DDHD1: variants seen among roughly 807,000 people sequenced by gnomAD.
The protein encoded by DDHD1 is DDHD domain containing 1.
DDHD1 carries 49 observed loss-of-function variants against 96.4 expected under a neutral mutation model. That is an observed-to-expected ratio of 0.51 (90% CI 0.40 to 0.64). The LOEUF (loss-of-function observed/expected upper bound fraction) is 0.64, where lower values mean the gene tolerates loss of function less well. Ranked by LOEUF, DDHD1 falls within the 30% of genes least tolerant of loss-of-function variation. DDHD1 has a pLI of 0.00. For missense variants in DDHD1, 1,106 were observed against 1,161.2 expected, an observed-to-expected ratio of 0.95 and a Z score of 0.69; for synonymous variants, 442 against 446.5, an observed-to-expected ratio of 0.99 and a Z score of 0.13.
chr14:53,150,312 GA>G (rs981553912), intron 1 of DDHD1, among the ~76,000 whole-genome samples: 1 of 152,066 alleles, frequency 6.6e-6, no homozygotes, highest in African/African-American at 2.4e-5. Context: ...CTCACCCTTG[GA>G]TGGGTCAGAA....
intron 4 of DDHD1, among the ~76,000 whole-genome samples, chr14:53,080,007 T>C (rs1170857882): frequency 6.6e-6 from 1 of 152,178 alleles, no homozygotes; most frequent in Non-Finnish European, 1.5e-5. Flanking sequence ...AACTACAGCC[T>C]GGCCAAAAAA....
At chr14:53,058,298 AGAG>A (rs1444474358) in intron 9 of DDHD1, among the ~76,000 whole-genome samples, 176 bp downstream of exon 9, 3 of 151,700 alleles carry the variant, frequency 2.0e-5, no homozygotes, top group African/African-American at 2.4e-5. Context: ...TATTTTTAGT[AGAG>A]ATGAGGTTTC....
chr14:53,124,654 C>T (rs1461233788), intron 1 of DDHD1, among the ~76,000 whole-genome samples: 5 of 152,132 alleles, frequency 3.3e-5, no homozygotes, highest in Non-Finnish European at 7.4e-5. Flanking sequence ...TAAGTATACC[C>T]TAAATACCAT....
chr14:53,078,855 T>C (rs138308514), intron 4 of DDHD1, among the ~76,000 whole-genome samples: 1 of 152,312 alleles, frequency 6.6e-6, no homozygotes, highest in Non-Finnish European at 1.5e-5. Context: ...GTAGATGCCC[T>C]TTACCAGGTT....
intron 8 of DDHD1, among the ~76,000 whole-genome samples, chr14:53,059,252 A>C (rs1415178026): frequency 6.6e-6 from 1 of 151,944 alleles, no homozygotes; most frequent in Non-Finnish European, 1.5e-5. Context: ...TCATTTATTT[A>C]TTTATTTTTT....
chr14:53,070,095 G>C (rs1206215868), intron 6 of DDHD1, among the ~76,000 whole-genome samples: 1 of 152,072 alleles, frequency 6.6e-6, no homozygotes, highest in Non-Finnish European at 1.5e-5. Flanking sequence ...AGCCCTCTTA[G>C]GGGTACCACC....
At chr14:53,123,772 A>T (rs960157808) in intron 1 of DDHD1, among the ~76,000 whole-genome samples, 1 of 152,168 alleles carries the variant, frequency 6.6e-6, no homozygotes, top group Non-Finnish European at 1.5e-5. Flanking sequence ...TGGATTAAAA[A>T]CCGGAGAATG....
At chr14:53,119,437 C>T (rs1888814841) in intron 1 of DDHD1, among the ~76,000 whole-genome samples, 1 of 152,130 alleles carries the variant, frequency 6.6e-6, no homozygotes, top group East Asian at 1.9e-4. Flanking sequence ...AGAAAGAATC[C>T]TCCCTAACTC....
chr14:53,070,597 A>G (rs1464529737), intron 6 of DDHD1, among the ~76,000 whole-genome samples: 1 of 152,142 alleles, frequency 6.6e-6, no homozygotes, highest in Non-Finnish European at 1.5e-5. Flanking sequence ...TTGGGGAGAA[A>G]TGAGACACAA....
intron 4 of DDHD1, among the ~76,000 whole-genome samples, chr14:53,086,400 G>C (rs1226004092): frequency 6.6e-6 from 1 of 152,202 alleles, no homozygotes; most frequent in Admixed American, 6.5e-5. Flanking sequence ...GGCAGCCAGA[G>C]AGAAAGGTCA....
intron 1 of DDHD1, among the ~76,000 whole-genome samples, chr14:53,137,851 C>T (rs112565441): frequency 0.019 from 2,925 of 151,936 alleles, 103 homozygotes; most frequent in African/African-American, 0.068. Flanking sequence ...GAAGACACAT[C>T]ATAATCAAAT....
chr14:53,063,299 C>T (rs1473409446), intron 6 of DDHD1, 94 bp from the exon 7 acceptor site: 5 of 1,375,824 alleles, frequency 3.6e-6, no homozygotes, highest in Non-Finnish European at 4.9e-6. Context: ...GAAAAACATA[C>T]ATTACCGATC....
chr14:53,066,776 G>C (rs546358023), intron 6 of DDHD1, among the ~76,000 whole-genome samples: 1 of 152,118 alleles, frequency 6.6e-6, no homozygotes, highest in Non-Finnish European at 1.5e-5. Flanking sequence ...AGACCAGCCT[G>C]GGCAACATGG....
rs1481319114 is a variant in DDHD1, at chr14:53,040,978, C to A, written c.*5790G>T. The A allele has an allele frequency of 2.0e-5, 3 of 151,764 alleles. No individual in the cohort carries two copies. Among genetic ancestry groups the A allele is most frequent in the Non-Finnish European group, 4.4e-5 (3 of 67,970 alleles). The allele number at this position is 151,764 out of a possible 1,614,324, so 9.4% of individuals were successfully genotyped here. A position where few individuals can be genotyped will look rare whatever the true frequency, so the allele number is the denominator to read the frequency against. On this transcript the variant is annotated 3_prime_UTR_variant, in exon 13 of 13. Coordinates refer to ENST00000673822, the MANE Select transcript of DDHD1 (RefSeq NM_001160148.2). The stretch of plus-strand genomic sequence containing the variant: ...AGTTGGGATTATGGCAGCCTTAGAA[C>A]CAGAAAATGGTTATAATTTTTTGTC...
chr14:53,070,602 A>T (rs927011097), intron 6 of DDHD1, among the ~76,000 whole-genome samples: 5 of 152,154 alleles, frequency 3.3e-5, no homozygotes, highest in African/African-American at 4.8e-5. Context: ...GAGAAATGAG[A>T]CACAACACTA....
chr14:53,100,388 A>G (rs1473468600), intron 2 of DDHD1, among the ~76,000 whole-genome samples: 4 of 152,042 alleles, frequency 2.6e-5, no homozygotes, highest in Admixed American at 6.6e-5. Flanking sequence ...AGGGTCCTGG[A>G]GCCCGGGAGT....
chr14:53,102,098 A>G (rs1358006083), intron 2 of DDHD1, among the ~76,000 whole-genome samples: 8 of 151,990 alleles, frequency 5.3e-5, no homozygotes, highest in Non-Finnish European at 1.2e-4. Flanking sequence ...TACTTAGGGG[A>G]ATTAACAGAA....
intron 6 of DDHD1, among the ~76,000 whole-genome samples, chr14:53,072,045 G>A (rs995282430): frequency 2.3e-4 from 35 of 152,028 alleles, no homozygotes; most frequent in African/African-American, 8.0e-4. Flanking sequence ...GGTTAAACAA[G>A]TTCACACATG....
chr14:53,069,826 T>A (rs920089391), intron 6 of DDHD1, among the ~76,000 whole-genome samples: 2 of 152,296 alleles, frequency 1.3e-5, no homozygotes, highest in Admixed American at 1.3e-4. Flanking sequence ...TCAGGGATGT[T>A]TGAAAATCAC....
Sources: allele counts gnomAD v4.1 joint callset (sites outside exome capture counted in the v4.1 genomes callset), GRCh38; gene constraint gnomAD v4.1.1; transcripts MANE v1.5; gene names NCBI Gene and HGNC (gene_info 2026-07-23, HGNC 2026-07-21).